Variants in SYNPR observed in about 807,000 individuals in gnomAD.
SYNPR encodes the protein synaptoporin.
In SYNPR, 23 loss-of-function variants were observed where a neutral mutation model predicts 32.9. That is an observed-to-expected ratio of 0.70 (90% CI 0.50 to 0.99). The LOEUF is 0.99. Among genes scored for constraint, SYNPR ranks in the 50% least tolerant of loss-of-function variants. The pLI, the probability that SYNPR is intolerant of heterozygous loss-of-function variation, is 0.00. For synonymous variants in SYNPR, 146 were observed against 135.9 expected, an observed-to-expected ratio of 1.07 and a Z score of -0.52; for missense variants, 318 against 349.3, an observed-to-expected ratio of 0.91 and a Z score of 0.71.
At chr3:63,295,752 G>A (rs1004092842) in intron 2 of SYNPR, among the ~76,000 whole-genome samples, 5 of 152,170 alleles carry the variant, frequency 3.3e-5, no homozygotes, top group Admixed American at 6.5e-5. Flanking sequence ...TGTATAAATC[G>A]AAACCACAGT....
intron 4 of SYNPR, among the ~76,000 whole-genome samples, chr3:63,589,487 G>A (rs1703267160): frequency 6.6e-6 from 1 of 151,968 alleles, no homozygotes; most frequent in Admixed American, 6.6e-5. Context: ...CCAAAGCCGG[G>A]CAGAGACACA....
rs1700264153 is a variant in SYNPR at position 63,615,353 on chromosome 3, C to T, written c.730C>T (p.Gln244Ter). The change falls in exon 6 of 6, where the codon CAA (glutamine) becomes TAA (stop). Residue 244 changes from glutamine to a stop codon, truncating the protein, a stop_gained. Transcript: ENST00000478300. LOFTEE classifies it high-confidence loss of function. The part of the protein sequence containing the change: ...PMEKHSSSYN[Q>*]GGYNQDSYGS... ...GGAGAAGCACTCCAGCAGCTATAAT[C>T]AAGGTGGTTACAACCAAGACAGCTA... 2 of 1,613,772 alleles carry T rather than the reference C, an allele frequency of 1.2e-6. No individual in the cohort carries two copies. The highest frequency in any genetic ancestry group is 1.3e-5 in the African/African-American group (1 of 74,894).
At chr3:63,359,592 T>C (rs577280827) in intron 2 of SYNPR, among the ~76,000 whole-genome samples, 39 of 152,362 alleles carry the variant, frequency 2.6e-4, no homozygotes, top group African/African-American at 9.1e-4. Flanking sequence ...TTCTTGCCAC[T>C]GTGAGGTCAC....
At chr3:63,474,306 G>A (rs949431517) in intron 2 of SYNPR, among the ~76,000 whole-genome samples, 72 of 152,172 alleles carry the variant, frequency 4.7e-4, no homozygotes, top group Non-Finnish European at 4.0e-4. Flanking sequence ...GAATGCCCTC[G>A]GCAGAGAAAT....
At chr3:63,306,247 G>A (rs192604917) in intron 2 of SYNPR, among the ~76,000 whole-genome samples, 11 of 151,998 alleles carry the variant, frequency 7.2e-5, no homozygotes, top group African/African-American at 2.7e-4. Flanking sequence ...TCAGGTTCAG[G>A]TACCAGCTGA....
intron 2 of SYNPR, among the ~76,000 whole-genome samples, chr3:63,461,596 A>G (rs1259314768): frequency 6.6e-6 from 1 of 151,976 alleles, no homozygotes; most frequent in Non-Finnish European, 1.5e-5. Flanking sequence ...TGGCATCCAA[A>G]GAAATCTAGG....
the SYNPR span, among the ~76,000 whole-genome samples, chr3:63,208,436 T>C: frequency 2.0e-5 from 3 of 152,230 alleles, no homozygotes; most frequent in African/African-American, 7.2e-5. Flanking sequence ...GGGGCACATA[T>C]GGTCTTCTAA....
chr3:63,210,518 G>A, the SYNPR span, among the ~76,000 whole-genome samples: 1 of 152,176 alleles, frequency 6.6e-6, no homozygotes, highest in Non-Finnish European at 1.5e-5. Context: ...AGTTGATTTG[G>A]TTGGTTGGTC....
intron 2 of SYNPR, among the ~76,000 whole-genome samples, chr3:63,381,859 C>T (rs2087975235): frequency 6.6e-6 from 1 of 152,102 alleles, no homozygotes; most frequent in Admixed American, 6.6e-5. Flanking sequence ...TTTTGATTTA[C>T]ACTAATGCTT....
rs1399142855 is a variant in SYNPR, at chr3:63,279,227, G to A, written c.84+485G>A. Among the ~76,000 whole-genome samples, 6 of 152,268 alleles carry A rather than the reference G, an allele frequency of 3.9e-5. No homozygotes were observed. The East Asian group carries it at 1.2e-3, about 29-fold the overall frequency. On this transcript the variant is annotated intron_variant, in intron 2 of 5. Transcript: ENST00000478300. ...TGCGGGACTGGGATGCTGGAAGCGCGTGTTCAACTGCTCCGCGGGAGCTTC... is the reference window on the plus strand; with the variant it reads ...TGCGGGACTGGGATGCTGGAAGCGCATGTTCAACTGCTCCGCGGGAGCTTC...
chr3:63,258,380 CA>C (rs1383873910), intron 2 of SYNPR, among the ~76,000 whole-genome samples: 1 of 152,180 alleles, frequency 6.6e-6, no homozygotes, highest in Non-Finnish European at 1.5e-5. Flanking sequence ...TCTCTCAGAC[CA>C]CAGTGCGATC....
upstream of SYNPR, among the ~76,000 whole-genome samples, chr3:63,273,365 G>A (rs1027025291): frequency 2.6e-5 from 4 of 152,140 alleles, no homozygotes; most frequent in African/African-American, 9.7e-5. Context: ...TCTGCATAAT[G>A]GAAGTAACAG....
chr3:63,230,377 A>G (rs1357248636), intron 1 of SYNPR, among the ~76,000 whole-genome samples: 1 of 152,068 alleles, frequency 6.6e-6, no homozygotes, highest in African/African-American at 2.4e-5. Flanking sequence ...GTCTGGCTTG[A>G]ATTTTTTCCT....
At chr3:63,520,742 C>T (rs1049206542) in intron 3 of SYNPR, among the ~76,000 whole-genome samples, 15 of 152,036 alleles carry the variant, frequency 9.9e-5, no homozygotes, top group Non-Finnish European at 1.9e-4. Flanking sequence ...AGGGAGTACC[C>T]AGCTAGTGAG....
intron 3 of SYNPR, among the ~76,000 whole-genome samples, chr3:63,538,804 T>C (rs1265482781): frequency 1.3e-5 from 2 of 152,138 alleles, no homozygotes; most frequent in Non-Finnish European, 2.9e-5. Context: ...CCACTGAGTT[T>C]GGAGGTGGTT....
At chr3:63,411,970 G>A (rs1188868273) in intron 2 of SYNPR, among the ~76,000 whole-genome samples, 1 of 152,066 alleles carries the variant, frequency 6.6e-6, no homozygotes, top group Non-Finnish European at 1.5e-5. Flanking sequence ...AATTCAAAAA[G>A]TTACTAAGGA....
intron 3 of SYNPR, among the ~76,000 whole-genome samples, chr3:63,529,033 C>A (rs1282308026): frequency 2.6e-5 from 4 of 152,226 alleles, no homozygotes; most frequent in African/African-American, 7.2e-5. Context: ...GTCAAACTGA[C>A]CCCCTTGCCC....
chr3:63,488,812 G>A (rs1476907209), intron 3 of SYNPR, among the ~76,000 whole-genome samples: 1 of 152,106 alleles, frequency 6.6e-6, no homozygotes, highest in Non-Finnish European at 1.5e-5. Flanking sequence ...CATTTGTAGG[G>A]AATGTCTTGG....
chr3:63,560,643 C>T (rs1419927393), intron 4 of SYNPR, among the ~76,000 whole-genome samples: 1 of 152,156 alleles, frequency 6.6e-6, no homozygotes, highest in East Asian at 1.9e-4. Context: ...ACTCACAGTT[C>T]CGTATGGCTG....
Sources: allele counts gnomAD v4.1 joint callset (sites outside exome capture counted in the v4.1 genomes callset), GRCh38; gene constraint gnomAD v4.1.1; transcripts MANE v1.5; gene names NCBI Gene and HGNC (gene_info 2026-07-23, HGNC 2026-07-21).